Variants in NRG1 observed in about 807,000 individuals in gnomAD.
The protein encoded by NRG1 is neuregulin 1.
Under a neutral mutation model 63.8 loss-of-function variants are expected in NRG1, and 18 were observed. The observed-to-expected ratio is 0.28, with a 90% confidence interval of 0.19 to 0.42. The LOEUF is 0.42. Among genes scored for constraint, NRG1 ranks in the 10% least tolerant of loss-of-function variants. The pLI is 1.00. For synonymous variants in NRG1, 302 were observed against 301.3 expected, an observed-to-expected ratio of 1.00 and a Z score of -0.02; for missense variants, 762 against 814.7, an observed-to-expected ratio of 0.94 and a Z score of 0.79.
At chr8:31,953,157 T>C (rs1563610741) in intron 1 of NRG1, among the ~76,000 whole-genome samples, 1 of 152,132 alleles carries the variant, frequency 6.6e-6, no homozygotes, top group Non-Finnish European at 1.5e-5. Flanking sequence ...AAATATTTCA[T>C]GTAATTTTAA....
chr8:32,605,462 A>AG (rs1300304134), intron 2 of NRG1, 100 bp from the exon 3 acceptor site: 1 of 1,337,732 alleles, frequency 7.5e-7, no homozygotes, highest in African/African-American at 1.5e-5. Flanking sequence ...TAAGGTGGGG[A>AG]GAGGCAGTTT....
At chr8:32,445,449 T>C (rs1384127651) in intron 1 of NRG1, among the ~76,000 whole-genome samples, 1 of 152,136 alleles carries the variant, frequency 6.6e-6, no homozygotes, top group Non-Finnish European at 1.5e-5. Flanking sequence ...CCCCTAAGAA[T>C]CCTGCTGGTA....
intron 1 of NRG1, among the ~76,000 whole-genome samples, chr8:32,077,798 T>C (rs1445890117): frequency 6.6e-6 from 1 of 152,168 alleles, no homozygotes; most frequent in African/African-American, 2.4e-5. Flanking sequence ...CAGGTTTCTC[T>C]ATGAGAAGGG....
At chr8:32,072,283 G>GAA (rs765907624) in intron 1 of NRG1, among the ~76,000 whole-genome samples, 1,479 of 125,848 alleles carry the variant, frequency 0.012, 23 homozygotes, top group African/African-American at 0.038. Context: ...CCTTGTGATT[G>GAA]AAAAAAAAAA....
chr8:31,879,793 A>C (rs1830206900), intron 1 of NRG1, among the ~76,000 whole-genome samples: 2 of 152,108 alleles, frequency 1.3e-5, no homozygotes, highest in Admixed American at 1.3e-4. Context: ...CCCTCTTATA[A>C]GTAAGAACAT....
intron 6 of NRG1, 25 bp from the exon 7 acceptor site, chr8:32,741,983 T>C: frequency 6.3e-7 from 1 of 1,598,592 alleles, no homozygotes. Flanking sequence ...ATTTTTTTTT[T>C]GCTTACCACA....
chr8:32,722,274 T>A (rs1820859282), intron 5 of NRG1, among the ~76,000 whole-genome samples: 1 of 152,218 alleles, frequency 6.6e-6, no homozygotes, highest in Admixed American at 6.5e-5. Flanking sequence ...TCATGCTAAT[T>A]CCTGCTAATT....
At chr8:32,000,390 G>A (rs545657492) in intron 1 of NRG1, among the ~76,000 whole-genome samples, 40 of 151,540 alleles carry the variant, frequency 2.6e-4, no homozygotes, top group African/African-American at 9.4e-4. Context: ...TTAAAAGACC[G>A]TGTCTTACTC....
intron 1 of NRG1, among the ~76,000 whole-genome samples, chr8:32,158,058 G>C (rs926945270): frequency 1.1e-4 from 16 of 152,264 alleles, no homozygotes; most frequent in Admixed American, 2.0e-4. Context: ...TGCCCAGAGA[G>C]AGGCCTCAGG....
At chr8:32,286,003 C>G (rs1228424590) in intron 1 of NRG1, among the ~76,000 whole-genome samples, 1 of 152,204 alleles carries the variant, frequency 6.6e-6, no homozygotes, top group Non-Finnish European at 1.5e-5. Context: ...ACCTGTGAAT[C>G]ATGGACTTTC....
At chr8:31,811,620 A>G (rs1822897095) in intron 1 of NRG1, among the ~76,000 whole-genome samples, 1 of 152,172 alleles carries the variant, frequency 6.6e-6, no homozygotes, top group African/African-American at 2.4e-5. Context: ...ACACATTTAT[A>G]TCTTATCACT....
intron 1 of NRG1, among the ~76,000 whole-genome samples, chr8:31,922,649 G>C (rs1563571223): frequency 6.6e-6 from 1 of 152,154 alleles, no homozygotes; most frequent in African/African-American, 2.4e-5. Context: ...GAGAGTCTGT[G>C]CTTTTAGGCA....
chr8:32,404,766 G>A (rs1163906387), intron 1 of NRG1, among the ~76,000 whole-genome samples: 1 of 151,766 alleles, frequency 6.6e-6, no homozygotes, highest in African/African-American at 2.4e-5. Context: ...TATACTTTTA[G>A]TAGAGACAGG....
At chr8:31,885,681 T>A (rs1830663850) in intron 1 of NRG1, among the ~76,000 whole-genome samples, 1 of 152,154 alleles carries the variant, frequency 6.6e-6, no homozygotes, top group Non-Finnish European at 1.5e-5. Flanking sequence ...GTTCAGCAGA[T>A]AAGCCTAGTA....
At position 32,764,397 on chromosome 8, in the gene NRG1, G is replaced by GTA. The variant is rs1359804755; in HGVS notation, c.1912_1913dup (p.Ter638TyrfsTer4). ...AATTGCTAACCAAGACCCTATTGCTGTATAAAACCTAAATAAACACATAGA... is the reference window on the plus strand; with the variant it reads ...AATTGCTAACCAAGACCCTATTGCTGTATATAAAACCTAAATAAACACATAGA... On this transcript the variant is annotated frameshift_variant, in exon 12 of 12. Transcript: ENST00000356819. LOFTEE classifies it high-confidence loss of function. 4.5e-6 allele frequency: 7 copies of GTA among 1,555,270 alleles called. No homozygotes were observed. Among genetic ancestry groups the GTA allele is most frequent in the Admixed American group, 2.0e-5 (1 of 50,678 alleles).
exon 2 of NRG1, chr8:32,595,872 G>T: frequency 6.2e-7 from 1 of 1,613,536 alleles, no homozygotes; most frequent in South Asian, 1.1e-5. Context: ...GGAATCGGCT[G>T]CAGGTTCCAA....
At chr8:32,087,482 C>CTTTTTT (rs67438409) in intron 1 of NRG1, among the ~76,000 whole-genome samples, 4,882 of 90,156 alleles carry the variant, frequency 0.054, 690 homozygotes, top group African/African-American at 0.16. Flanking sequence ...TCTTTTCTTT[C>CTTTTTT]TTTTTTTTTT....
chr8:32,035,888 C>A (rs780124032), intron 1 of NRG1, among the ~76,000 whole-genome samples: 54 of 152,092 alleles, frequency 3.6e-4, no homozygotes, highest in Non-Finnish European at 1.0e-4. Flanking sequence ...GACTCTTTAT[C>A]CAGCTTTCCA....
chr8:32,587,803 T>TA (rs765566278), intron 1 of NRG1, among the ~76,000 whole-genome samples: 14 of 152,182 alleles, frequency 9.2e-5, no homozygotes, highest in Non-Finnish European at 1.9e-4. Context: ...GGAAATAGCC[T>TA]AACCCTCCAA....
Sources: allele counts gnomAD v4.1 joint callset (sites outside exome capture counted in the v4.1 genomes callset), GRCh38; gene constraint gnomAD v4.1.1; transcripts MANE v1.5; gene names NCBI Gene and HGNC (gene_info 2026-07-23, HGNC 2026-07-21).